The following HTR1D variants were observed in gnomAD, a reference collection of about 807,000 sequenced individuals.
HTR1D encodes the protein 5-HT-1D.
HTR1D carries 18 observed loss-of-function variants against 21.1 expected under a neutral mutation model. The ratio of observed to expected loss-of-function variants is 0.85; its 90% CI spans 0.59 to 1.27. HTR1D has a LOEUF of 1.27. Among genes scored for constraint, HTR1D ranks in the 50% most tolerant of loss-of-function variants. The pLI, the probability that HTR1D is intolerant of heterozygous loss-of-function variation, is 0.00. For missense variants in HTR1D, 456 were observed against 481.4 expected (o/e 0.95, Z 0.49); for synonymous variants, 196 against 204.4 (o/e 0.96, Z 0.35).
rs756036158 is a variant in HTR1D at position 23,193,706 on chromosome 1, GGATGGAGATGCA to G, written c.502_513del (p.Cys168_Ile171del). On this transcript the variant is annotated inframe_deletion, in exon 2 of 2. Transcript: ENST00000374619. ...TTGGCCTGCCGCCAGAAGAGCGGGG[GGATGGAGATGCA>G]GATGGAGATGGCCCAGACAATGGCG... The G allele has an allele frequency of 1.1e-5, 17 of 1,613,962 alleles. No homozygotes were observed. The East Asian group carries it at 3.3e-4, about 32-fold the overall frequency.
At chr1:23,208,030 T>C (rs1644738699) in intron 1 of HTR1D, among the ~76,000 whole-genome samples, 1 of 152,134 alleles carries the variant, frequency 6.6e-6, no homozygotes, top group African/African-American at 2.4e-5. Flanking sequence ...CCCAAAGTGC[T>C]GGGATTATAG....
At chr1:23,209,952 G>A (rs1161897057) in intron 1 of HTR1D, among the ~76,000 whole-genome samples, 1 of 152,124 alleles carries the variant, frequency 6.6e-6, no homozygotes. Context: ...GCCTGGTGAC[G>A]GCAGCTTGGC....
intron 1 of HTR1D, among the ~76,000 whole-genome samples, chr1:23,213,080 C>T (rs536704815): frequency 6.6e-6 from 1 of 152,266 alleles, no homozygotes; most frequent in African/African-American, 2.4e-5. Flanking sequence ...CCTGCCTCAG[C>T]TTCCCAAAGT....
chr1:23,192,123 T>C lies in HTR1D; in HGVS notation c.*963A>G, dbSNP rs1354915897. On this transcript the variant is annotated 3_prime_UTR_variant, in exon 2 of 2. Coordinates refer to ENST00000374619, the MANE Select transcript of HTR1D (RefSeq NM_000864.5). Reference sequence around the variant, plus strand: ...AGAATGTGAAGATGGCGCAGGCATATTGGGGAAGAAGGAAGGGTACAGGGT... The same window carrying C: ...AGAATGTGAAGATGGCGCAGGCATACTGGGGAAGAAGGAAGGGTACAGGGT... The C allele has an allele frequency of 6.6e-6, 1 of 152,062 alleles. No individual in the cohort carries two copies. The highest frequency in any genetic ancestry group is 2.4e-5 in the African/African-American group (1 of 41,400). 9.4% of individuals were successfully genotyped at this position (152,062 alleles called of 1,614,324 possible).
intron 1 of HTR1D, among the ~76,000 whole-genome samples, chr1:23,208,486 G>A (rs539686715): frequency 6.6e-6 from 1 of 151,906 alleles, no homozygotes; most frequent in Non-Finnish European, 1.5e-5. Context: ...CAGGAAAATC[G>A]CTTGAACCCA....
chr1:23,195,914 G>A (rs1007452360), intron 1 of HTR1D, among the ~76,000 whole-genome samples: 1 of 152,068 alleles, frequency 6.6e-6, no homozygotes, highest in African/African-American at 2.4e-5. Flanking sequence ...CTGCAGCCTC[G>A]ACCTCCTGGA....
intron 1 of HTR1D, among the ~76,000 whole-genome samples, chr1:23,207,003 C>T (rs1308748107): frequency 6.6e-6 from 1 of 152,174 alleles, no homozygotes; most frequent in Non-Finnish European, 1.5e-5. Context: ...AAGTCAGTTC[C>T]TCCTCCGAGC....
At chr1:23,211,647 A>G (rs1298263461) in intron 1 of HTR1D, among the ~76,000 whole-genome samples, 2 of 147,544 alleles carry the variant, frequency 1.4e-5, no homozygotes. Context: ...GTATGTATGT[A>G]TGTATGTATG....
intron 1 of HTR1D, among the ~76,000 whole-genome samples, chr1:23,211,151 C>T (rs1200598092): frequency 6.6e-6 from 1 of 152,224 alleles, no homozygotes; most frequent in Non-Finnish European, 1.5e-5. Context: ...CACGTGTCAG[C>T]TCAGCCGTTT....
chr1:23,196,465 C>T (rs1021496748), intron 1 of HTR1D, among the ~76,000 whole-genome samples: 2 of 150,088 alleles, frequency 1.3e-5, no homozygotes, highest in South Asian at 2.1e-4. Flanking sequence ...AAAGAAGGAG[C>T]AGCAGCTAAA....
At chr1:23,205,052 A>G (rs868202220) in intron 1 of HTR1D, among the ~76,000 whole-genome samples, 103 of 152,362 alleles carry the variant, frequency 6.8e-4, no homozygotes, top group African/African-American at 2.4e-3. Context: ...ATGGAATACT[A>G]TCCAGTCATA....
intron 1 of HTR1D, among the ~76,000 whole-genome samples, chr1:23,212,571 G>A (rs771253972): frequency 6.6e-5 from 10 of 152,296 alleles, no homozygotes; most frequent in Non-Finnish European, 1.5e-4. Context: ...CCTGTGGTCT[G>A]TCTCCCCATA....
In HTR1D at chr1:23,193,236, C is replaced by CCGGA; in HGVS notation, c.983_984insTCCG (p.Asp329ProfsTer12). ...GCGCCGGGTGGATCCAGCAGGAGTC[C>CCGGA]CGGCAGATGGGGAGGACCAGAGACA... On this transcript the variant is annotated frameshift_variant, in exon 2 of 2. Coordinates refer to ENST00000374619, the MANE Select transcript of HTR1D (RefSeq NM_000864.5). LOFTEE classifies it high-confidence loss of function. The CCGGA allele has an allele frequency of 6.2e-7, 1 of 1,613,962 alleles. No homozygotes were observed. The highest frequency in any genetic ancestry group is 8.5e-7 in the Non-Finnish European group (1 of 1,180,010).
rs1204172283 is a variant in HTR1D at position 23,199,399 on chromosome 1, AGCC to A, written c.-782-4401_-782-4399del. Among the ~76,000 whole-genome samples, 4 of 125,654 alleles carry A rather than the reference AGCC, an allele frequency of 3.2e-5. No homozygotes were observed. In the Admixed American group the frequency reaches 3.9e-4, roughly 12 times the overall value. 82.4% of individuals were successfully genotyped at this position (125,654 alleles called of 152,430 possible). ...CTAAAGTGCTGGGATTACAGGTGTG[AGCC>A]GCCATGTGTGGTCTTTTTTTTTTTT... On this transcript the variant is annotated intron_variant, in intron 1 of 1. Coordinates refer to ENST00000374619, the MANE Select transcript of HTR1D (RefSeq NM_000864.5).
At chr1:23,201,609 G>C (rs1330177513) in intron 1 of HTR1D, among the ~76,000 whole-genome samples, 1 of 152,134 alleles carries the variant, frequency 6.6e-6, no homozygotes, top group East Asian at 1.9e-4. Flanking sequence ...GAGTGCAGTG[G>C]CATGATCATG....
At chr1:23,199,009 C>A (rs1405624708) in intron 1 of HTR1D, among the ~76,000 whole-genome samples, 2 of 149,888 alleles carry the variant, frequency 1.3e-5, no homozygotes, top group African/African-American at 2.5e-5. Flanking sequence ...GTGTGTACCA[C>A]CATGCCCGGC....
Position 23,194,102 on chromosome 1 carries a change from A to C in HTR1D, c.118T>G (p.Ser40Ala). Reference protein sequence around the residue: ...DPRTLQALKISLAVVLSVITL... With the variant: ...DPRTLQALKIALAVVLSVITL... ...ATGACGGAAAGGACCACGGCAAGGG[A>C]GATCTTGAGCGCCTGGAGGGTCCTG... is the stretch of plus-strand genomic sequence containing the variant. The change falls in exon 2 of 2, where the codon TCC becomes GCC. Residue 40 changes from serine to alanine, a missense_variant. By Grantham distance (99) the Ser-to-Ala change is moderately conservative. Coordinates refer to ENST00000374619, the MANE Select transcript of HTR1D (RefSeq NM_000864.5). The C allele has an allele frequency of 6.2e-7, 1 of 1,614,128 alleles. No individual in the cohort carries two copies. The highest frequency in any genetic ancestry group is 8.5e-7 in the Non-Finnish European group (1 of 1,180,008).
At chr1:23,209,022 G>A (rs1177304197) in intron 1 of HTR1D, among the ~76,000 whole-genome samples, 2 of 132,598 alleles carry the variant, frequency 1.5e-5, no homozygotes, top group East Asian at 4.1e-4. Context: ...TTTTGAGACA[G>A]TCTTGCTCTG....
At chr1:23,199,019 C>T (rs1644700198) in intron 1 of HTR1D, among the ~76,000 whole-genome samples, 2 of 139,392 alleles carry the variant, frequency 1.4e-5, no homozygotes, top group Non-Finnish European at 1.5e-5. Flanking sequence ...CCATGCCCGG[C>T]TAATTTTTGT....
Sources: gnomAD v4.1 joint callset for allele counts (sites outside exome capture counted in the v4.1 genomes callset) on GRCh38, gnomAD v4.1.1 for gene constraint, MANE v1.5 for transcripts, NCBI Gene and HGNC (gene_info 2026-07-23, HGNC 2026-07-21) for gene names.